The following CDK17 variants were observed in gnomAD, a reference collection of about 807,000 sequenced individuals.
The protein encoded by CDK17 is cyclin-dependent kinase 17.
A neutral mutation model predicts 77.6 loss-of-function variants in CDK17; 24 were observed. The ratio of observed to expected loss-of-function variants is 0.31; its 90% confidence interval spans 0.22 to 0.44. CDK17 has a LOEUF of 0.44. Among genes scored for constraint, CDK17 ranks in the 20% least tolerant of loss-of-function variants. The pLI is 1.00. For synonymous variants in CDK17, 203 were observed against 210.4 expected (o/e 0.96, Z 0.30); for missense variants, 429 against 622.5 (o/e 0.69, Z 3.31).
intron 2 of CDK17, among the ~76,000 whole-genome samples, chr12:96,326,113 T>A (rs1056795399): frequency 9.2e-5 from 14 of 152,190 alleles, no homozygotes; most frequent in Non-Finnish European, 1.6e-4. Context: ...TAAAAACAAA[T>A]TATGCAAATC....
chr12:96,280,871 T>A lies in CDK17; in HGVS notation c.1471A>T (p.Ser491Cys), dbSNP rs748388690. The part of the protein sequence containing the change: ...HALPESVSIF[S>C]LKEIQLQKDP... Reference sequence around the variant, plus strand: ...TTTTGCAACTGAATCTCTTTCAAACTGAATATTGATACACCTAAAATGCAT... The same window carrying A: ...TTTTGCAACTGAATCTCTTTCAAACAGAATATTGATACACCTAAAATGCAT... The change falls in exon 16 of 17, where the codon AGT (serine) becomes TGT (cysteine). Residue 491 changes from serine to cysteine, a missense_variant. Ser to Cys is a moderately radical substitution (Grantham distance 112, BLOSUM62 -1). Around this residue, in one of 4 missense-constraint regions of CDK17, gnomAD observed 115 missense variants for 124.2 expected, o/e 0.93. Transcript: ENST00000261211. 2 of 1,613,028 alleles carry A rather than the reference T, an allele frequency of 1.2e-6. No homozygotes were observed. Among genetic ancestry groups the A allele is most frequent in the African/African-American group, 2.7e-5 (2 of 74,902 alleles).
At chr12:96,316,583 T>G (rs1175324172) in intron 3 of CDK17, among the ~76,000 whole-genome samples, 1 of 144,834 alleles carries the variant, frequency 6.9e-6, no homozygotes, top group Non-Finnish European at 1.5e-5. Flanking sequence ...AGAGCAGTGG[T>G]TCTCCCAGCA....
At chr12:96,392,063 G>A (rs546387697) in intron 1 of CDK17, among the ~76,000 whole-genome samples, 3 of 152,042 alleles carry the variant, frequency 2.0e-5, no homozygotes, top group Admixed American at 6.6e-5. Context: ...AAAAAAACAC[G>A]GCCTCTCTGG....
At position 96,290,539 on chromosome 12, in the gene CDK17, G is replaced by A. The variant is rs980986910; in HGVS notation, c.998-1252C>T. Among the ~76,000 whole-genome samples the A allele has an allele frequency of 5.9e-5, 9 of 152,146 alleles. No individual in the cohort carries two copies. In the East Asian group the frequency reaches 1.7e-3, roughly 29 times the overall value. The stretch of plus-strand genomic sequence containing the variant: ...ATTTCAGTTCAGTATAATGGTGAAA[G>A]GTTATAACTGGAACAATGTTGACAT... On this transcript the variant is annotated intron_variant, in intron 10 of 16. Coordinates refer to ENST00000261211, the MANE Select transcript of CDK17 (RefSeq NM_002595.5).
intron 1 of CDK17, among the ~76,000 whole-genome samples, chr12:96,384,562 A>T (rs966198035): frequency 2.0e-5 from 3 of 152,206 alleles, no homozygotes; most frequent in African/African-American, 7.2e-5. Flanking sequence ...CACACCATGG[A>T]GTACTGTATA....
intron 9 of CDK17, among the ~76,000 whole-genome samples, chr12:96,295,646 G>A (rs1952394389): frequency 1.3e-5 from 2 of 152,030 alleles, no homozygotes; most frequent in Non-Finnish European, 2.9e-5. Context: ...CTGCTGCATA[G>A]CTCTGGCAAA....
At chr12:96,301,555 C>T (rs1952504544) in intron 5 of CDK17, among the ~76,000 whole-genome samples, 1 of 152,026 alleles carries the variant, frequency 6.6e-6, no homozygotes. Context: ...CTTTCTAGTA[C>T]CCCTTTATAG....
At chr12:96,292,147 T>G (rs147816796) in intron 10 of CDK17, among the ~76,000 whole-genome samples, 1,539 of 152,230 alleles carry the variant, frequency 0.01, 46 homozygotes, top group Admixed American at 0.061. Context: ...CATTTCCTTT[T>G]TAAGGAAGGA....
At chr12:96,295,423 T>TA (rs35300996) in intron 9 of CDK17, 96,628 of 158,226 alleles carry the variant, frequency 0.61, 30,222 homozygotes, top group East Asian at 0.82. Flanking sequence ...GAAAATGACT[T>TA]AAAAAAAAAA....
rs1372059748 is a variant in CDK17, at chr12:96,297,726, A to G, written c.716-5T>C. ...TTAAATCCTTTAATAGTGAAACTGC[A>G]AAACAGAAAAAGAAAATTGTTTAGT... is the stretch of plus-strand genomic sequence containing the variant. On this transcript the variant is annotated splice_polypyrimidine_tract_variant and splice_region_variant and intron_variant, in intron 7 of 16. Transcript: ENST00000261211. 10 of 1,466,732 alleles carry G rather than the reference A, an allele frequency of 6.8e-6. No homozygotes were observed. The highest frequency in any genetic ancestry group is 1.8e-5 in the Admixed American group (1 of 54,562). 90.9% of individuals were successfully genotyped at this position (1,466,732 alleles called of 1,614,324 possible). A position where few individuals can be genotyped will look rare whatever the true frequency, so the allele number is the denominator to read the frequency against.
At chr12:96,353,352 A>C (rs1040201296) in intron 1 of CDK17, among the ~76,000 whole-genome samples, 1 of 152,160 alleles carries the variant, frequency 6.6e-6, no homozygotes, top group Non-Finnish European at 1.5e-5. Flanking sequence ...GTATGGCTAT[A>C]CTATGTAGCA....
intron 15 of CDK17, 77 bp from the exon 16 acceptor site, chr12:96,280,962 T>G: frequency 8.6e-7 from 1 of 1,166,400 alleles, no homozygotes; most frequent in Non-Finnish European, 1.2e-6. Flanking sequence ...AACAAATGTT[T>G]ATAAAGCATA....
At chr12:96,315,993 CAGCGTG>C (rs569410460) in intron 3 of CDK17, among the ~76,000 whole-genome samples, 124 of 152,264 alleles carry the variant, frequency 8.1e-4, no homozygotes, top group South Asian at 7.1e-3. Flanking sequence ...CTACAGCTCC[CAGCGTG>C]AGCGACGCAG....
At chr12:96,376,471 T>G (rs1039708877) in intron 1 of CDK17, among the ~76,000 whole-genome samples, 1 of 152,216 alleles carries the variant, frequency 6.6e-6, no homozygotes, top group Non-Finnish European at 1.5e-5. Flanking sequence ...CAAATGCTTA[T>G]AAGCAATATA....
At chr12:96,287,596 T>C (rs746840386) in intron 11 of CDK17, among the ~76,000 whole-genome samples, 3 of 152,106 alleles carry the variant, frequency 2.0e-5, no homozygotes, top group Non-Finnish European at 4.4e-5. Context: ...GCAGGAGGAC[T>C]GCTTGAGCCC....
rs890934917 is a variant in CDK17, at chr12:96,326,805, C to T, written c.119-2693G>A. Among the ~76,000 whole-genome samples the T allele has an allele frequency of 5.9e-5, 9 of 152,246 alleles. 1 individual carries two copies. The highest frequency in any genetic ancestry group is 3.4e-3 in the Middle Eastern group (1 of 294). ...GGCAAGTGTAGCTATAGTACCTAAC[C>T]GTGCGGGCAACAGTGGTACCAGGTG... is the stretch of plus-strand genomic sequence containing the variant. On this transcript the variant is annotated intron_variant, in intron 2 of 16. Coordinates refer to ENST00000261211, the MANE Select transcript of CDK17 (RefSeq NM_002595.5).
rs1953035170 is a variant in CDK17, at chr12:96,335,944, A to G, written c.-29-1079T>C. Among the ~76,000 whole-genome samples, 4 of 152,296 alleles carry G rather than the reference A, an allele frequency of 2.6e-5. No homozygotes were observed. In the South Asian group the frequency reaches 8.3e-4, roughly 32 times the overall value. Reference sequence around the variant, plus strand: ...CCGTACAACTCCTCTATATTAAAGTACAGGGGTTTTACCATCCAGCTCCAG... The same window carrying G: ...CCGTACAACTCCTCTATATTAAAGTGCAGGGGTTTTACCATCCAGCTCCAG... On this transcript the variant is annotated intron_variant, in intron 1 of 16. Transcript: ENST00000261211.
chr12:96,335,692 C>A (rs963779131), intron 1 of CDK17, among the ~76,000 whole-genome samples: 1 of 152,194 alleles, frequency 6.6e-6, no homozygotes, highest in African/African-American at 2.4e-5. Context: ...ATGTATCTCA[C>A]AATTAATGTG....
intron 1 of CDK17, among the ~76,000 whole-genome samples, chr12:96,348,919 A>AG (rs1382043394): frequency 3.9e-5 from 6 of 152,190 alleles, no homozygotes; most frequent in African/African-American, 1.4e-4. Flanking sequence ...AAACAACTGA[A>AG]GAGGGGGTAA....
Sources: gnomAD v4.1 joint callset for allele counts (sites outside exome capture counted in the v4.1 genomes callset) on GRCh38, gnomAD v4.1.1 for gene constraint, gnomAD v4.1.1 regional missense constraint, MANE v1.5 for transcripts, NCBI Gene and HGNC (gene_info 2026-07-23, HGNC 2026-07-21) for gene names.